CSMD1: variants seen among roughly 807,000 people sequenced by gnomAD.
CSMD1 encodes the protein CUB and sushi domain-containing protein 1.
Under a neutral mutation model 417.5 loss-of-function variants are expected in CSMD1, and 213 were observed. The ratio of observed to expected loss-of-function variants is 0.51; its 90% CI spans 0.46 to 0.57. The LOEUF is 0.57. Ranked by LOEUF, CSMD1 falls within the 20% of genes least tolerant of loss-of-function variation. The pLI is 0.00. For synonymous variants in CSMD1, 2,862 were observed against 1,736.8 expected, an observed-to-expected ratio of 1.65 and a Z score of -16.11; for missense variants, 6,923 against 4,529.7, an observed-to-expected ratio of 1.53 and a Z score of -15.17.
At chr8:4,923,870 T>C (rs747651595) in intron 1 of CSMD1, among the ~76,000 whole-genome samples, 1 of 152,202 alleles carries the variant, frequency 6.6e-6, no homozygotes, top group Non-Finnish European at 1.5e-5. Context: ...CCACAAACTA[T>C]AGGCAGTATC....
At chr8:3,793,831 C>T (rs931991933) in intron 5 of CSMD1, among the ~76,000 whole-genome samples, 5 of 152,162 alleles carry the variant, frequency 3.3e-5, no homozygotes, top group African/African-American at 1.2e-4. Flanking sequence ...TCAGGATCTG[C>T]ATACAAGAAT....
chr8:3,907,304 C>G (rs1336020775), intron 5 of CSMD1, among the ~76,000 whole-genome samples: 4 of 152,082 alleles, frequency 2.6e-5, no homozygotes, highest in Non-Finnish European at 5.9e-5. Context: ...AAGACATTAA[C>G]GTGGATGGTA....
intron 5 of CSMD1, among the ~76,000 whole-genome samples, chr8:3,789,922 G>T (rs577133597): frequency 9.2e-5 from 14 of 151,834 alleles, no homozygotes; most frequent in African/African-American, 3.4e-4. Context: ...CAGTAGAGAC[G>T]GGGTTTCACC....
At chr8:3,120,271 C>A (rs981638538) in intron 41 of CSMD1, among the ~76,000 whole-genome samples, 12 of 152,054 alleles carry the variant, frequency 7.9e-5, no homozygotes, top group Admixed American at 1.3e-4. Context: ...TAAGAGGCAG[C>A]TAAGGCTCAG....
rs560901567 is a variant in CSMD1 at position 4,216,126 on chromosome 8, G to A, written c.416-184027C>T. 3.3e-5 allele frequency among the ~76,000 whole-genome samples: 5 copies of A among 152,202 alleles called. No individual in the cohort carries two copies. The East Asian group carries it at 9.7e-4, about 29-fold the overall frequency. On this transcript the variant is annotated intron_variant, in intron 3 of 69. Coordinates refer to ENST00000635120, the MANE Select transcript of CSMD1 (RefSeq NM_033225.6). The stretch of plus-strand genomic sequence containing the variant: ...CCTCTTCTCAATCTGGCTGCCACCT[G>A]CCTTTTTTATGTAATCCCATTTTTT...
rs533178541 is a variant in CSMD1, at chr8:3,300,754, T to A, written c.3950+6941A>T. ...GGCAGATCATTGGAGGTCAGGAGTT[T>A]GAGACTAGCCTGGCAACAGGGCGAA... On this transcript the variant is annotated intron_variant, in intron 25 of 69. Transcript: ENST00000635120. 8.6e-5 allele frequency among the ~76,000 whole-genome samples: 13 copies of A among 151,926 alleles called. No homozygotes were observed. In the East Asian group the frequency reaches 2.5e-3, roughly 29 times the overall value.
chr8:2,943,274 C>T (rs866806979), intron 68 of CSMD1, among the ~76,000 whole-genome samples: 22 of 150,906 alleles, frequency 1.5e-4, no homozygotes, highest in African/African-American at 5.1e-4. Context: ...GTTGCCCAGG[C>T]TGGAGTGCAG....
rs141111663 is a variant in CSMD1, at chr8:3,709,850, C to CGTGT, written c.932-1363_932-1360dup. Among the ~76,000 whole-genome samples, 822 of 147,342 alleles carry CGTGT rather than the reference C, an allele frequency of 5.6e-3. 2 individuals are homozygous for CGTGT. The highest frequency in any genetic ancestry group is 0.01 in the Middle Eastern group (3 of 292). On this transcript the variant is annotated intron_variant, in intron 6 of 69. Coordinates refer to ENST00000635120, the MANE Select transcript of CSMD1 (RefSeq NM_033225.6). ...TCCTTATAGTAAATCTGTGTGTGTACGTGTGTGTGTGTGTGTGTACACATG... is the reference window on the plus strand; with the variant it reads ...TCCTTATAGTAAATCTGTGTGTGTACGTGTGTGTGTGTGTGTGTGTGTACACATG...
chr8:3,013,597 A>C (rs1808585901), intron 52 of CSMD1, among the ~76,000 whole-genome samples: 1 of 151,996 alleles, frequency 6.6e-6, no homozygotes, highest in Non-Finnish European at 1.5e-5. Context: ...CTAAAAATGC[A>C]AAAAATTAGC....
intron 1 of CSMD1, among the ~76,000 whole-genome samples, chr8:4,830,366 G>A (rs1258209133): frequency 6.6e-6 from 1 of 152,028 alleles, no homozygotes; most frequent in Admixed American, 6.5e-5. Context: ...GATAATTGAT[G>A]GCTGTGAAAA....
intron 25 of CSMD1, among the ~76,000 whole-genome samples, chr8:3,295,067 T>G (rs1453536898): frequency 6.6e-6 from 1 of 152,230 alleles, no homozygotes; most frequent in African/African-American, 2.4e-5. Context: ...AGTTACATAT[T>G]AAATATTACT....
intron 12 of CSMD1, among the ~76,000 whole-genome samples, chr8:3,411,580 A>G (rs1342467825): frequency 6.6e-6 from 1 of 151,296 alleles, no homozygotes; most frequent in Non-Finnish European, 1.5e-5. Context: ...CACTTAGAAT[A>G]ATAGTCTCCA....
intron 2 of CSMD1, among the ~76,000 whole-genome samples, chr8:4,437,824 G>A (rs1480616611): frequency 6.6e-6 from 1 of 152,148 alleles, no homozygotes; most frequent in Admixed American, 6.6e-5. Flanking sequence ...TGATGGGCTT[G>A]TCTGTAAAAC....
At chr8:3,253,358 C>G (rs186681644) in intron 26 of CSMD1, among the ~76,000 whole-genome samples, 11 of 152,254 alleles carry the variant, frequency 7.2e-5, no homozygotes, top group Non-Finnish European at 1.6e-4. Context: ...TTTCTTATTT[C>G]TGAGTTCTGG....
intron 5 of CSMD1, among the ~76,000 whole-genome samples, chr8:3,858,205 A>G (rs1352347255): frequency 6.6e-6 from 1 of 152,226 alleles, no homozygotes; most frequent in African/African-American, 2.4e-5. Flanking sequence ...TCCATTCTTT[A>G]AAATCATAAT....
intron 3 of CSMD1, among the ~76,000 whole-genome samples, chr8:4,066,118 C>A (rs1463097227): frequency 6.6e-6 from 1 of 152,064 alleles, no homozygotes; most frequent in Non-Finnish European, 1.5e-5. Flanking sequence ...CCCTCCTGAG[C>A]CTTTGTTCAA....
intron 1 of CSMD1, among the ~76,000 whole-genome samples, chr8:4,795,299 T>A: frequency 7.9e-6 from 1 of 126,464 alleles, no homozygotes; most frequent in Non-Finnish European, 1.6e-5. Context: ...TGAGATGGAG[T>A]CCTGCTCTGT....
At chr8:3,001,260 T>A (rs1320382899) in intron 52 of CSMD1, among the ~76,000 whole-genome samples, 1 of 152,160 alleles carries the variant, frequency 6.6e-6, no homozygotes, top group African/African-American at 2.4e-5. Context: ...CCTCCCAAAG[T>A]GCTGGGATGA....
chr8:3,666,142 T>C (rs1213090269), intron 7 of CSMD1, among the ~76,000 whole-genome samples: 2 of 152,176 alleles, frequency 1.3e-5, no homozygotes, highest in African/African-American at 4.8e-5. Flanking sequence ...GTGATCTACA[T>C]GCCCTGGCCT....
Sources: gnomAD v4.1 joint callset for allele counts (sites outside exome capture counted in the v4.1 genomes callset) on GRCh38, gnomAD v4.1.1 for gene constraint, MANE v1.5 for transcripts, NCBI Gene and HGNC (gene_info 2026-07-23, HGNC 2026-07-21) for gene names.